PTPRK: variants seen among roughly 807,000 people sequenced by gnomAD.
PTPRK encodes the protein receptor-type tyrosine-protein phosphatase kappa.
A neutral mutation model predicts 178.0 loss-of-function variants in PTPRK; 75 were observed. That is an observed-to-expected ratio of 0.42 (90% CI 0.35 to 0.51). The LOEUF (loss-of-function observed/expected upper bound fraction) is 0.51, where lower values mean the gene tolerates loss of function less well. Ranked by LOEUF, PTPRK falls within the 20% of genes least tolerant of loss-of-function variation. PTPRK has a pLI of 0.02. For missense variants in PTPRK, 1,441 were observed against 1,797.8 expected (o/e 0.80, Z 3.59); for synonymous variants, 637 against 620.6 (o/e 1.03, Z -0.39).
intron 3 of PTPRK, among the ~76,000 whole-genome samples, chr6:128,274,199 A>C (rs1009987596): frequency 3.3e-5 from 5 of 152,178 alleles, no homozygotes; most frequent in Non-Finnish European, 7.4e-5. Flanking sequence ...ATAGGTTTTA[A>C]AATTATAACA....
intron 21 of PTPRK, among the ~76,000 whole-genome samples, chr6:127,988,563 C>A (rs1776238988): frequency 6.6e-6 from 1 of 152,006 alleles, no homozygotes; most frequent in Admixed American, 6.6e-5. Flanking sequence ...TCTATTCATG[C>A]TTCTAAATCT....
chr6:128,315,506 TATA>T (rs1321945467), intron 3 of PTPRK, among the ~76,000 whole-genome samples: 2 of 152,254 alleles, frequency 1.3e-5, no homozygotes, highest in Non-Finnish European at 2.9e-5. Context: ...TAGCTAGTTT[TATA>T]ATGATAGTTT....
chr6:128,072,357 G>A (rs1782978693), intron 11 of PTPRK, among the ~76,000 whole-genome samples: 1 of 151,966 alleles, frequency 6.6e-6, no homozygotes, highest in Non-Finnish European at 1.5e-5. Flanking sequence ...AAATTGAAAT[G>A]AATATAATAC....
chr6:128,392,737 A>G (rs934121387), intron 2 of PTPRK, among the ~76,000 whole-genome samples: 2 of 81,992 alleles, frequency 2.4e-5, no homozygotes, highest in Non-Finnish European at 5.0e-5. Flanking sequence ...TTTGACAAGC[A>G]AAAGTCAAAA....
Position 127,988,775 on chromosome 6 carries a change from T to A in PTPRK, c.3096+1994A>T, listed in dbSNP as rs1030478657. Among the ~76,000 whole-genome samples, 3 of 152,064 alleles carry A rather than the reference T, an allele frequency of 2.0e-5. 1 individual carries two copies. The South Asian group carries it at 6.2e-4, about 31-fold the overall frequency. On this transcript the variant is annotated intron_variant, in intron 21 of 29. Transcript: ENST00000368226. Reference sequence around the variant, plus strand: ...AATAGTGGTTTAATTACTTTATTGATCTTTTCAATAAACAAGCTTTTTCTT... The same window carrying A: ...AATAGTGGTTTAATTACTTTATTGAACTTTTCAATAAACAAGCTTTTTCTT...
chr6:128,361,637 A>C (rs1834760118), intron 2 of PTPRK, among the ~76,000 whole-genome samples: 1 of 152,262 alleles, frequency 6.6e-6, no homozygotes, highest in Admixed American at 6.5e-5. Context: ...CCTACAATAT[A>C]AACCTGTACA....
At chr6:128,497,607 T>C (rs1396339317) in intron 1 of PTPRK, among the ~76,000 whole-genome samples, 1 of 152,174 alleles carries the variant, frequency 6.6e-6, no homozygotes, top group Non-Finnish European at 1.5e-5. Context: ...GGCTTCCTTG[T>C]TTTGATTGAA....
chr6:128,314,438 CAGAG>C (rs1325909418), intron 3 of PTPRK, among the ~76,000 whole-genome samples: 4 of 152,188 alleles, frequency 2.6e-5, no homozygotes, highest in Admixed American at 2.6e-4. Context: ...AGCAGTCCTT[CAGAG>C]AGAAAGTGTT....
chr6:128,118,562 C>A (rs549062881), intron 7 of PTPRK, among the ~76,000 whole-genome samples: 1 of 152,172 alleles, frequency 6.6e-6, no homozygotes, highest in East Asian at 1.9e-4. Flanking sequence ...ATAATGACCT[C>A]TGAATTTTTT....
At chr6:128,466,598 T>A (rs1849873462) in intron 1 of PTPRK, among the ~76,000 whole-genome samples, 1 of 152,170 alleles carries the variant, frequency 6.6e-6, no homozygotes, top group East Asian at 1.9e-4. Flanking sequence ...ATAGTAGGCA[T>A]GGCCAGATAT....
intron 1 of PTPRK, among the ~76,000 whole-genome samples, chr6:128,461,645 C>T (rs1001113871): frequency 7.9e-5 from 12 of 152,148 alleles, no homozygotes; most frequent in South Asian, 2.1e-4. Flanking sequence ...CCTTTTAAAA[C>T]GTACAATTCA....
chr6:128,321,217 A>G (rs1828741521), intron 3 of PTPRK: 1 of 152,534 alleles, frequency 6.6e-6, no homozygotes, highest in Non-Finnish European at 1.5e-5. Flanking sequence ...ATAATAAGCT[A>G]CAAATAAACA....
At chr6:128,242,703 G>C in intron 3 of PTPRK, 101 bp from the exon 4 acceptor site, 1 of 1,446,700 alleles carries the variant, frequency 6.9e-7, no homozygotes, top group Non-Finnish European at 9.1e-7. Flanking sequence ...TCTAATTTTT[G>C]TTCAGTAAGA....
chr6:128,505,681 G>C (rs1273247300), intron 1 of PTPRK, among the ~76,000 whole-genome samples: 1 of 152,092 alleles, frequency 6.6e-6, no homozygotes, highest in African/African-American at 2.4e-5. Flanking sequence ...TGTTACACAA[G>C]GAAAAGAGAA....
chr6:128,241,877 G>A (rs929261024), intron 4 of PTPRK, among the ~76,000 whole-genome samples: 2 of 150,292 alleles, frequency 1.3e-5, no homozygotes, highest in Admixed American at 6.6e-5. Flanking sequence ...CACCTCCCAG[G>A]TTCAAGTGAT....
At chr6:128,069,724 GA>G (rs535654873) in intron 11 of PTPRK, among the ~76,000 whole-genome samples, 15 of 149,266 alleles carry the variant, frequency 1.0e-4, no homozygotes, top group African/African-American at 3.2e-4. Flanking sequence ...CATACCTCTA[GA>G]AAAAAAAACA....
intron 7 of PTPRK, among the ~76,000 whole-genome samples, chr6:128,173,439 A>G (rs2114655182): frequency 6.6e-6 from 1 of 152,086 alleles, no homozygotes; most frequent in East Asian, 1.9e-4. Context: ...TCAATTTCCA[A>G]TTCAAGGAAA....
intron 3 of PTPRK, among the ~76,000 whole-genome samples, chr6:128,294,427 A>C (rs1823923820): frequency 6.6e-6 from 1 of 151,594 alleles, no homozygotes; most frequent in African/African-American, 2.4e-5. Context: ...TTTCATATCT[A>C]TTTCTCTTCT....
intron 14 of PTPRK, 57 bp from the exon 15 acceptor site, chr6:128,005,301 A>G (rs1778290475): frequency 1.3e-6 from 2 of 1,565,604 alleles, no homozygotes; most frequent in Non-Finnish European, 1.8e-6. Flanking sequence ...AGGAGAGTTA[A>G]CACCAGCAAT....
Sources: gnomAD v4.1 joint callset for allele counts (sites outside exome capture counted in the v4.1 genomes callset) on GRCh38, gnomAD v4.1.1 for gene constraint, MANE v1.5 for transcripts, NCBI Gene and HGNC (gene_info 2026-07-23, HGNC 2026-07-21) for gene names.